The following SFMBT2 variants were observed in gnomAD, a reference collection of about 807,000 sequenced individuals.
SFMBT2 encodes the protein Scm like with four mbt domains 2, also known as scm-like with four MBT domains protein 2.
Under a neutral mutation model 110.1 loss-of-function variants are expected in SFMBT2, and 38 were observed. The observed-to-expected ratio is 0.35, with a 90% CI of 0.27 to 0.45. SFMBT2 has a LOEUF of 0.45. Ranked by LOEUF, SFMBT2 falls within the 20% of genes least tolerant of loss-of-function variation. The pLI, the probability that SFMBT2 is intolerant of heterozygous loss-of-function variation, is 1.00. For synonymous variants in SFMBT2, 425 were observed against 425.4 expected, an observed-to-expected ratio of 1.00 and a Z score of 0.01; for missense variants, 1,011 against 1,094.9, an observed-to-expected ratio of 0.92 and a Z score of 1.08.
chr10:7,174,226 T>C (rs2131536743), intron 17 of SFMBT2, among the ~76,000 whole-genome samples: 1 of 152,334 alleles, frequency 6.6e-6, no homozygotes, highest in East Asian at 1.9e-4. Flanking sequence ...TGAGCAGGAA[T>C]AAACTGCCGT....
intron 4 of SFMBT2, among the ~76,000 whole-genome samples, chr10:7,343,605 CGTT>C (rs1419380096): frequency 6.6e-6 from 1 of 151,968 alleles, no homozygotes; most frequent in African/African-American, 2.4e-5. Flanking sequence ...GATGGTGTCT[CGTT>C]GTGGTTTTGA....
intron 11 of SFMBT2, among the ~76,000 whole-genome samples, chr10:7,215,261 C>T (rs957796286): frequency 6.6e-6 from 1 of 152,008 alleles, no homozygotes; most frequent in Non-Finnish European, 1.5e-5. Context: ...AGAAATTAGC[C>T]AGGTGTGGTG....
Position 7,200,403 on chromosome 10 carries a change from G to A in SFMBT2, c.1558+11C>T, listed in dbSNP as rs767154191. 5 of 1,583,534 alleles carry A rather than the reference G, an allele frequency of 3.2e-6. No individual in the cohort carries two copies. The East Asian group carries it at 1.2e-4, about 37-fold the overall frequency. On this transcript the variant is annotated intron_variant, in intron 14 of 20. Transcript: ENST00000397167. ...GGAAGGCACAGAGACCCCCTAAATG[G>A]GACTGATTACCTGTGGTGTCCAGGT...
intron 4 of SFMBT2, among the ~76,000 whole-genome samples, chr10:7,358,970 C>A (rs1844619020): frequency 1.3e-5 from 2 of 152,354 alleles, no homozygotes; most frequent in South Asian, 4.1e-4. Context: ...GCAGGGGAGT[C>A]AGAGGCTTGG....
At chr10:7,168,388 T>C (rs375264232) in intron 20 of SFMBT2, among the ~76,000 whole-genome samples, 1 of 152,212 alleles carries the variant, frequency 6.6e-6, no homozygotes, top group Non-Finnish European at 1.5e-5. Flanking sequence ...ACTAAATTTT[T>C]TTTTATTGTG....
chr10:7,385,107 G>A (rs866759009), intron 1 of SFMBT2, among the ~76,000 whole-genome samples: 3 of 152,150 alleles, frequency 2.0e-5, no homozygotes, highest in Admixed American at 6.5e-5. Flanking sequence ...GAGGCACTCT[G>A]TAAACAAACT....
At chr10:7,265,056 G>A (rs915773934) in intron 7 of SFMBT2, among the ~76,000 whole-genome samples, 2 of 151,796 alleles carry the variant, frequency 1.3e-5, no homozygotes, top group Non-Finnish European at 2.9e-5. Flanking sequence ...GGATTTCGTG[G>A]AACATGATTT....
intron 7 of SFMBT2, among the ~76,000 whole-genome samples, chr10:7,266,103 TC>T (rs1163410824): frequency 2.0e-5 from 3 of 151,904 alleles, no homozygotes; most frequent in African/African-American, 7.3e-5. Flanking sequence ...TTTTTTTTTT[TC>T]TTTGAGACAG....
intron 4 of SFMBT2, among the ~76,000 whole-genome samples, chr10:7,318,224 GC>G (rs1230017718): frequency 1.3e-5 from 2 of 152,190 alleles, no homozygotes; most frequent in Non-Finnish European, 2.9e-5. Flanking sequence ...GATATTCTCT[GC>G]CCTAAAGACC....
In SFMBT2 at chr10:7,365,530, T is replaced by C. The variant is rs376216032; in HGVS notation, c.436+2119A>G. Reference sequence around the variant, plus strand: ...CAGCTTACTGTCTGGGGGGATAAAGTGTACTCCATTCAAAGAACCACCCAA... The same window carrying C: ...CAGCTTACTGTCTGGGGGGATAAAGCGTACTCCATTCAAAGAACCACCCAA... On this transcript the variant is annotated intron_variant, in intron 4 of 20. Transcript: ENST00000397167. Among the ~76,000 whole-genome samples, 16 of 152,284 alleles carry C rather than the reference T, an allele frequency of 1.1e-4. No homozygotes were observed. In the East Asian group the frequency reaches 3.1e-3, roughly 29 times the overall value.
At chr10:7,266,310 G>A (rs1419286577) in intron 7 of SFMBT2, among the ~76,000 whole-genome samples, 7 of 140,742 alleles carry the variant, frequency 5.0e-5, no homozygotes, top group Non-Finnish European at 1.1e-4. Flanking sequence ...GGCTGGTCTC[G>A]AACTCCTGAC....
intron 17 of SFMBT2, among the ~76,000 whole-genome samples, 163 bp downstream of exon 17, chr10:7,175,827 A>G (rs747767239): frequency 6.6e-6 from 1 of 152,206 alleles, no homozygotes; most frequent in African/African-American, 2.4e-5. Flanking sequence ...AAACACATGT[A>G]TCTGCTACAG....
chr10:7,207,469 AAG>A (rs1176665815), intron 11 of SFMBT2: 67 of 255,494 alleles, frequency 2.6e-4, no homozygotes, highest in East Asian at 1.1e-3. Flanking sequence ...AAAAGAAAGA[AAG>A]AGAAAGGAAG....
At chr10:7,213,487 G>A (rs868568570) in intron 11 of SFMBT2, among the ~76,000 whole-genome samples, 1 of 152,134 alleles carries the variant, frequency 6.6e-6, no homozygotes, top group South Asian at 2.1e-4. Context: ...GGGAGGGCAG[G>A]AATTATTGTA....
intron 3 of SFMBT2, chr10:7,368,375 G>A: frequency 1.0e-6 from 1 of 985,208 alleles, no homozygotes; most frequent in Non-Finnish European, 1.2e-6. Flanking sequence ...ATAGTCTGTT[G>A]ATATCTACCA....
At chr10:7,202,643 AG>A (rs1838995230) in intron 12 of SFMBT2, 121 bp from the exon 13 acceptor site, 2 of 1,557,096 alleles carry the variant, frequency 1.3e-6, no homozygotes, top group Non-Finnish European at 1.7e-6. Context: ...AATGCTGAAA[AG>A]TTACGTCATT....
At chr10:7,263,130 T>G (rs2131780035) in intron 7 of SFMBT2, among the ~76,000 whole-genome samples, 1 of 152,318 alleles carries the variant, frequency 6.6e-6, no homozygotes. Context: ...GCTCCAGCCA[T>G]GGGGTAGAAA....
At chr10:7,242,990 T>C (rs1840482809) in intron 9 of SFMBT2, among the ~76,000 whole-genome samples, 1 of 152,222 alleles carries the variant, frequency 6.6e-6, no homozygotes, top group Non-Finnish European at 1.5e-5. Context: ...ACCTGACCTA[T>C]AGAGGACAAC....
intron 11 of SFMBT2, 102 bp from the exon 12 acceptor site, chr10:7,206,030 TC>T (rs1192524478): frequency 4.8e-6 from 7 of 1,471,762 alleles, no homozygotes; most frequent in Non-Finnish European, 3.6e-6. Flanking sequence ...GGAAAAACAT[TC>T]CTTTATACAT....
Sources: allele counts gnomAD v4.1 joint callset (sites outside exome capture counted in the v4.1 genomes callset), GRCh38; gene constraint gnomAD v4.1.1; transcripts MANE v1.5; gene names NCBI Gene and HGNC (gene_info 2026-07-23, HGNC 2026-07-21).